LMO7: variants seen among roughly 807,000 people sequenced by gnomAD.
The protein encoded by LMO7 is LIM domain only protein 7.
A neutral mutation model predicts 206.5 loss-of-function variants in LMO7; 120 were observed. The observed-to-expected ratio is 0.58, with a 90% CI of 0.50 to 0.68. The LOEUF is 0.68. Ranked by LOEUF, LMO7 falls within the 30% of genes least tolerant of loss-of-function variation. The pLI is 0.00. For synonymous variants in LMO7, 706 were observed against 681.5 expected (o/e 1.04, Z -0.56); for missense variants, 1,959 against 1,957.9 (o/e 1.00, Z -0.01).
intron 2 of LMO7, among the ~76,000 whole-genome samples, chr13:75,625,212 C>A (rs1290591193): frequency 6.6e-6 from 1 of 152,176 alleles, no homozygotes; most frequent in Non-Finnish European, 1.5e-5. Context: ...ATATGTCTAG[C>A]AAAGAATTTC....
chr13:75,764,421 T>C (rs2048590203), intron 4 of LMO7, among the ~76,000 whole-genome samples: 1 of 152,034 alleles, frequency 6.6e-6, no homozygotes, highest in South Asian at 2.1e-4. Flanking sequence ...AGATCAAGCA[T>C]AATGGCCCCA....
At chr13:75,667,977 G>A (rs142325351) in intron 1 of LMO7, among the ~76,000 whole-genome samples, 1 of 152,348 alleles carries the variant, frequency 6.6e-6, no homozygotes, top group Non-Finnish European at 1.5e-5. Context: ...GGGAGGCAAG[G>A]TGGGCAGATT....
chr13:75,820,665 GTTA>G (rs933629364), intron 13 of LMO7, among the ~76,000 whole-genome samples: 1 of 152,158 alleles, frequency 6.6e-6, no homozygotes. Flanking sequence ...AAGAAGTCAA[GTTA>G]TTATTCTTTC....
At chr13:75,724,950 G>A (rs748714335) in intron 2 of LMO7, among the ~76,000 whole-genome samples, 1 of 152,188 alleles carries the variant, frequency 6.6e-6, no homozygotes, top group African/African-American at 2.4e-5. Flanking sequence ...TGAAGGTTTA[G>A]GGTGGAAAAG....
At chr13:75,693,352 G>A (rs2041643920) in intron 1 of LMO7, among the ~76,000 whole-genome samples, 1 of 152,086 alleles carries the variant, frequency 6.6e-6, no homozygotes, top group African/African-American at 2.4e-5. Context: ...TCTATTATTA[G>A]CCTGTTTCTG....
intron 3 of LMO7, among the ~76,000 whole-genome samples, chr13:75,746,702 T>A (rs186386041): frequency 6.6e-6 from 1 of 152,168 alleles, no homozygotes; most frequent in Non-Finnish European, 1.5e-5. Flanking sequence ...CTTGACATTA[T>A]GTTCATTTTA....
intron 4 of LMO7, among the ~76,000 whole-genome samples, chr13:75,795,043 A>G (rs1029716368): frequency 2.0e-5 from 3 of 152,010 alleles, no homozygotes; most frequent in Non-Finnish European, 4.4e-5. Context: ...GAACACACTG[A>G]TCCCCCCTCA....
intron 2 of LMO7, among the ~76,000 whole-genome samples, chr13:75,722,371 A>C (rs1475387717): frequency 6.6e-6 from 1 of 152,202 alleles, no homozygotes; most frequent in Non-Finnish European, 1.5e-5. Flanking sequence ...AATCCCATCA[A>C]AAGTGGGCTA....
chr13:75,679,384 A>C (rs1750164105), intron 1 of LMO7, among the ~76,000 whole-genome samples: 1 of 152,208 alleles, frequency 6.6e-6, no homozygotes, highest in Non-Finnish European at 1.5e-5. Context: ...TTCTGTCTTC[A>C]TAGCCAGAGT....
intron 3 of LMO7, among the ~76,000 whole-genome samples, chr13:75,752,378 C>T (rs2047344109): frequency 6.6e-6 from 1 of 152,070 alleles, no homozygotes; most frequent in Non-Finnish European, 1.5e-5. Flanking sequence ...GGTGATCCAC[C>T]CACCTCAGCC....
At chr13:75,777,257 C>T (rs12428250) in intron 4 of LMO7, among the ~76,000 whole-genome samples, 16,553 of 152,122 alleles carry the variant, frequency 0.11, 1,327 homozygotes, top group Admixed American at 0.24. Flanking sequence ...TATTATAGTT[C>T]GGATTTAGGA....
At chr13:75,737,752 CAAAAA>C (rs374266925) in intron 3 of LMO7, among the ~76,000 whole-genome samples, 3 of 35,368 alleles carry the variant, frequency 8.5e-5, no homozygotes, top group African/African-American at 3.6e-4. Flanking sequence ...GACTCCGTCT[CAAAAA>C]AAAAAAAAAT....
intron 2 of LMO7, among the ~76,000 whole-genome samples, chr13:75,716,566 TTAA>T (rs2043550263): frequency 6.6e-6 from 1 of 152,204 alleles, no homozygotes; most frequent in African/African-American, 2.4e-5. Context: ...GCTTTTCTAA[TTAA>T]TAAAAGGATT....
At chr13:75,733,950 A>C (rs1025833381) in intron 3 of LMO7, among the ~76,000 whole-genome samples, 8 of 152,182 alleles carry the variant, frequency 5.3e-5, no homozygotes, top group Non-Finnish European at 8.8e-5. Flanking sequence ...AGACTGCGAG[A>C]TGTGCACCAG....
intron 2 of LMO7, among the ~76,000 whole-genome samples, chr13:75,724,459 T>A (rs1253275117): frequency 6.6e-6 from 1 of 152,192 alleles, no homozygotes; most frequent in African/African-American, 2.4e-5. Flanking sequence ...AAGGTTATTA[T>A]GTTATCTGAA....
At chr13:75,757,022 G>C (rs1166483926) in intron 3 of LMO7, among the ~76,000 whole-genome samples, 1 of 152,122 alleles carries the variant, frequency 6.6e-6, no homozygotes, top group African/African-American at 2.4e-5. Flanking sequence ...CATGGAATAG[G>C]GCTGATCTGT....
chr13:75,632,396 A>AT (rs772297759), upstream of LMO7, among the ~76,000 whole-genome samples: 2 of 152,332 alleles, frequency 1.3e-5, no homozygotes, highest in African/African-American at 2.4e-5. Context: ...TGAAATCTCC[A>AT]TTTTTTAGGA....
intron 8 of LMO7, chr13:75,804,836 T>C: frequency 9.2e-7 from 1 of 1,088,280 alleles, no homozygotes; most frequent in Non-Finnish European, 1.1e-6. Flanking sequence ...CCATGCCATG[T>C]AATGTTTTTC....
intron 1 of LMO7, among the ~76,000 whole-genome samples, chr13:75,689,431 T>C (rs1025588754): frequency 3.3e-5 from 5 of 152,160 alleles, no homozygotes; most frequent in Admixed American, 6.5e-5. Flanking sequence ...TTTTCCAGTG[T>C]AGAGCATACT....
Sources: allele counts gnomAD v4.1 joint callset (sites outside exome capture counted in the v4.1 genomes callset), GRCh38; gene constraint gnomAD v4.1.1; transcripts MANE v1.5; gene names NCBI Gene and HGNC (gene_info 2026-07-23, HGNC 2026-07-21).